BBS9: variants seen among roughly 807,000 people sequenced by gnomAD.
The protein encoded by BBS9 is protein PTHB1.
A neutral mutation model predicts 117.7 loss-of-function variants in BBS9; 89 were observed. The observed-to-expected ratio is 0.76, with a 90% CI of 0.64 to 0.90. The LOEUF is 0.90. BBS9 is among the 40% of genes least tolerant of loss of function. The probability of loss-of-function intolerance (pLI) is 0.00; values close to 1 mark genes in which losing one functional copy is unlikely to be tolerated. For missense variants in BBS9, 982 were observed against 1,042.2 expected (o/e 0.94, Z 0.80); for synonymous variants, 379 against 370.9 (o/e 1.02, Z -0.25).
At chr7:33,507,337 T>A (rs2129018094) in intron 20 of BBS9, among the ~76,000 whole-genome samples, 1 of 152,158 alleles carries the variant, frequency 6.6e-6, no homozygotes, top group Non-Finnish European at 1.5e-5. Flanking sequence ...GCCTCCTGGG[T>A]TCAAGCGAAT....
At chr7:33,477,785 A>G (rs539306451) in intron 19 of BBS9, among the ~76,000 whole-genome samples, 2 of 152,346 alleles carry the variant, frequency 1.3e-5, no homozygotes, top group South Asian at 4.1e-4. Flanking sequence ...AGACGCAGTG[A>G]GCTTCTAGAA....
chr7:33,249,226 GACACACACAC>G (rs143505945), intron 5 of BBS9, among the ~76,000 whole-genome samples: 5 of 148,420 alleles, frequency 3.4e-5, no homozygotes, highest in African/African-American at 9.9e-5. Flanking sequence ...TGGGCATGGG[GACACACACAC>G]ACACACACAC....
intron 21 of BBS9, among the ~76,000 whole-genome samples, chr7:33,632,908 C>A (rs1228385506): frequency 6.6e-6 from 1 of 152,124 alleles, no homozygotes; most frequent in Admixed American, 6.5e-5. Context: ...GTTGAGGCCA[C>A]GTCTTCATTT....
chr7:33,218,669 C>T (rs1474832301), intron 5 of BBS9, among the ~76,000 whole-genome samples: 1 of 152,246 alleles, frequency 6.6e-6, no homozygotes, highest in Non-Finnish European at 1.5e-5. Context: ...TGCTAGTGTG[C>T]TAGCCCAAAG....
At chr7:33,413,011 A>C (rs1170852207) in intron 19 of BBS9, among the ~76,000 whole-genome samples, 1 of 152,218 alleles carries the variant, frequency 6.6e-6, no homozygotes, top group African/African-American at 2.4e-5. Context: ...TTATGGAACA[A>C]TTGGATACTC....
At position 33,383,776 on chromosome 7, in the gene BBS9, T is replaced by C. The variant is rs747644340; in HGVS notation, c.1900T>C (p.Cys634Arg). The C allele has an allele frequency of 6.8e-6, 11 of 1,612,960 alleles. 1 individual carries two copies. The highest frequency in any genetic ancestry group is 3.4e-6 in the Non-Finnish European group (4 of 1,179,824). Residue 634 changes from cysteine to arginine, a missense_variant, in exon 18 of 23, where the codon TGT (cysteine) becomes CGT (arginine). Physicochemically the swap from Cys to Arg is radical, Grantham distance 180. Transcript: ENST00000242067. ...FEKQGVKDFA[C>R]SFSGSIPLQE... is the part of the protein sequence containing the mutation. ...AAAACAGGGAGTCAAAGATTTTGCATGTTCTTTTTCGGGATCTATACCCCT... is the reference window on the plus strand; with the variant it reads ...AAAACAGGGAGTCAAAGATTTTGCACGTTCTTTTTCGGGATCTATACCCCT...
chr7:33,146,318 A>G lies in BBS9; in HGVS notation c.66A>G (p.Gln22=), dbSNP rs767674907. ...TGGGAGATAAAGAAGAATTTGATCA[A>G]GGCTGTTTGTGTCTGGCTAATGTTG... ...TILGDKEEFD[Q]GCLCLANVDN... The change falls in exon 2 of 23, where the codon CAA becomes CAG. Residue 22 remains glutamine, a synonymous_variant. Transcript: ENST00000242067. 6.2e-7 allele frequency: 1 copy of G among 1,614,150 alleles called. No individual in the cohort carries two copies.
intron 21 of BBS9, among the ~76,000 whole-genome samples, chr7:33,619,134 T>C (rs187846675): frequency 5.3e-5 from 8 of 152,102 alleles, no homozygotes; most frequent in Admixed American, 3.3e-4. Context: ...AAAATACACA[T>C]AGCCTGAAAA....
intron 5 of BBS9, among the ~76,000 whole-genome samples, chr7:33,227,116 G>T (rs1438131311): frequency 1.3e-5 from 2 of 151,540 alleles, no homozygotes; most frequent in Non-Finnish European, 2.9e-5. Context: ...GCTGTGTCAA[G>T]AATGATAATA....
Position 33,630,349 on chromosome 7 carries a change from A to T in BBS9, c.2522-4828A>T, listed in dbSNP as rs528820753. Among the ~76,000 whole-genome samples, 18 of 150,872 alleles carry T rather than the reference A, an allele frequency of 1.2e-4. No homozygotes were observed. In the East Asian group the frequency reaches 2.3e-3, roughly 19 times the overall value. On this transcript the variant is annotated intron_variant, in intron 21 of 21. Coordinates refer to the BBS9 transcript ENST00000671952. ...AGAAATTTAAAGTGTACAAGTTCAAATTTTTTTTTTCAAATCACAGCATAA... is the reference window on the plus strand; with the variant it reads ...AGAAATTTAAAGTGTACAAGTTCAATTTTTTTTTTTCAAATCACAGCATAA...
At chr7:33,542,790 T>TACACACAC (rs368494839) in intron 21 of BBS9, among the ~76,000 whole-genome samples, 58 of 134,378 alleles carry the variant, frequency 4.3e-4, no homozygotes, top group South Asian at 1.8e-3. Context: ...TATATATATG[T>TACACACAC]ACACACACAC....
intron 14 of BBS9, chr7:33,352,158 G>A (rs544017693): frequency 2.0e-5 from 3 of 152,888 alleles, no homozygotes; most frequent in East Asian, 1.9e-4. Flanking sequence ...TCCAACATTA[G>A]GGCAGTAATC....
chr7:33,235,616 G>T (rs1049337046), intron 5 of BBS9, among the ~76,000 whole-genome samples: 1 of 152,084 alleles, frequency 6.6e-6, no homozygotes, highest in South Asian at 2.1e-4. Context: ...GCTTCTGTTG[G>T]AATAACATCA....
At chr7:33,601,304 C>T (rs1370390244) in intron 21 of BBS9, among the ~76,000 whole-genome samples, 1 of 152,018 alleles carries the variant, frequency 6.6e-6, no homozygotes, top group Middle Eastern at 3.2e-3. Context: ...TTGTGTCACA[C>T]TTGCCATTGT....
chr7:33,264,190 T>C (rs1798414105), intron 6 of BBS9, 100 bp from the exon 7 acceptor site: 1 of 570,052 alleles, frequency 1.8e-6, no homozygotes, highest in African/African-American at 2.0e-5. Flanking sequence ...AAAAAGTGCT[T>C]TATAAAGTTT....
At chr7:33,215,192 C>G (rs888946040) in intron 5 of BBS9, among the ~76,000 whole-genome samples, 2 of 152,138 alleles carry the variant, frequency 1.3e-5, no homozygotes, top group Non-Finnish European at 2.9e-5. Flanking sequence ...GACTCCGTCT[C>G]AGAAAAGAAA....
intron 6 of BBS9, among the ~76,000 whole-genome samples, chr7:33,264,063 C>T (rs1020128877): frequency 7.9e-5 from 12 of 152,038 alleles, no homozygotes; most frequent in African/African-American, 2.9e-4. Flanking sequence ...GTTTTCCCAA[C>T]ACTGAATAAT....
intron 19 of BBS9, among the ~76,000 whole-genome samples, chr7:33,496,460 G>T (rs1489520977): frequency 2.0e-5 from 3 of 151,474 alleles, no homozygotes; most frequent in Non-Finnish European, 2.9e-5. Flanking sequence ...AGCTGAAATT[G>T]TGACATTGCA....
Position 33,538,601 on chromosome 7 carries a change from AGACATTTG to A in BBS9, c.2521+4427_2521+4434del, listed in dbSNP as rs570732328. 1.4e-3 allele frequency among the ~76,000 whole-genome samples: 212 copies of A among 152,302 alleles called. 2 individuals are homozygous for A. Among genetic ancestry groups the A allele is most frequent in the Non-Finnish European group, 1.6e-3 (108 of 68,018 alleles). On this transcript the variant is annotated intron_variant, in intron 21 of 22. Transcript: ENST00000242067. Reference sequence around the variant, plus strand: ...CCAGGTCTCACTTAGATGCTCAATAAGACATTTGGTGTTTACTTTCATATTGTCAGTAT... The same window carrying A: ...CCAGGTCTCACTTAGATGCTCAATAAGTGTTTACTTTCATATTGTCAGTAT...
Sources: gnomAD v4.1 joint callset for allele counts (sites outside exome capture counted in the v4.1 genomes callset) on GRCh38, gnomAD v4.1.1 for gene constraint, MANE v1.5 for transcripts, NCBI Gene and HGNC (gene_info 2026-07-23, HGNC 2026-07-21) for gene names.